Variants in LSAMP observed in about 807,000 individuals in gnomAD.
The protein encoded by LSAMP is limbic system-associated membrane protein.
A neutral mutation model predicts 38.6 loss-of-function variants in LSAMP; 7 were observed. The observed-to-expected ratio is 0.18, with a 90% CI of 0.10 to 0.34. LSAMP has a LOEUF of 0.34. Among genes scored for constraint, LSAMP ranks in the 10% least tolerant of loss-of-function variants. The probability of loss-of-function intolerance (pLI) is 1.00; values close to 1 mark genes in which losing one functional copy is unlikely to be tolerated. For missense variants in LSAMP, 313 were observed against 420.0 expected, an observed-to-expected ratio of 0.75 and a Z score of 2.23; for synonymous variants, 154 against 166.8, an observed-to-expected ratio of 0.92 and a Z score of 0.59.
chr3:116,135,207 C>T (rs1428307952), intron 1 of LSAMP, among the ~76,000 whole-genome samples: 1 of 152,156 alleles, frequency 6.6e-6, no homozygotes, highest in African/African-American at 2.4e-5. Flanking sequence ...AAAGTCAATG[C>T]TCTTAATATT....
intron 3 of LSAMP, among the ~76,000 whole-genome samples, chr3:116,011,625 A>G (rs1222047467): frequency 6.6e-6 from 1 of 152,218 alleles, no homozygotes; most frequent in African/African-American, 2.4e-5. Flanking sequence ...AAAGGGTCCA[A>G]CTGGAAAACT....
chr3:116,117,165 A>T (rs1708771290), intron 1 of LSAMP, among the ~76,000 whole-genome samples: 1 of 152,200 alleles, frequency 6.6e-6, no homozygotes, highest in South Asian at 2.1e-4. Context: ...TGATATGGTA[A>T]GATAAAATGC....
chr3:115,850,977 C>CTA (rs1935312180), intron 4 of LSAMP, among the ~76,000 whole-genome samples: 1 of 148,156 alleles, frequency 6.7e-6, no homozygotes, highest in South Asian at 2.1e-4. Context: ...CTCTCTCTCT[C>CTA]TCTTTTTTAT....
intron 1 of LSAMP, among the ~76,000 whole-genome samples, chr3:116,262,938 T>C (rs1576467349): frequency 6.6e-6 from 1 of 152,334 alleles, no homozygotes; most frequent in East Asian, 1.9e-4. Context: ...AGAAACTGTT[T>C]TCCTGAGTGC....
chr3:116,389,106 T>C (rs2048661836), intron 1 of LSAMP, among the ~76,000 whole-genome samples: 1 of 152,150 alleles, frequency 6.6e-6, no homozygotes, highest in Non-Finnish European at 1.5e-5. Flanking sequence ...AAAAGGTTTT[T>C]AGCAGTCAGA....
intron 1 of LSAMP, among the ~76,000 whole-genome samples, chr3:116,396,643 C>T (rs2048771633): frequency 6.6e-6 from 1 of 152,186 alleles, no homozygotes; most frequent in African/African-American, 2.4e-5. Flanking sequence ...TCTATAGGAT[C>T]TAGCAGTATA....
chr3:116,268,205 T>TA (rs11429966), intron 1 of LSAMP, among the ~76,000 whole-genome samples: 32,951 of 149,378 alleles, frequency 0.22, 3,734 homozygotes, highest in Admixed American at 0.26. Flanking sequence ...GAGTGGCCAT[T>TA]AAAAAAAAAA....
At chr3:116,330,547 CT>C (rs1413231376) in intron 1 of LSAMP, among the ~76,000 whole-genome samples, 1 of 150,794 alleles carries the variant, frequency 6.6e-6, no homozygotes, top group African/African-American at 2.4e-5. Flanking sequence ...GACCAGCATG[CT>C]CCCCCCCCCA....
chr3:115,908,824 C>A lies in LSAMP; in HGVS notation c.515-56207G>T, dbSNP rs375007795. ...TCTTTACAAAAGCCTCTCTTATTTGCAGCTTGCCTGTCGTCATCTCCAACC... is the reference window on the plus strand; with the variant it reads ...TCTTTACAAAAGCCTCTCTTATTTGAAGCTTGCCTGTCGTCATCTCCAACC... On this transcript the variant is annotated intron_variant, in intron 3 of 6. Coordinates refer to ENST00000490035, the MANE Select transcript of LSAMP (RefSeq NM_002338.5). Among the ~76,000 whole-genome samples, 3 of 152,152 alleles carry A rather than the reference C, an allele frequency of 2.0e-5. No homozygotes were observed. The East Asian group carries it at 5.8e-4, about 29-fold the overall frequency.
intron 1 of LSAMP, among the ~76,000 whole-genome samples, chr3:116,296,886 T>TAAAC (rs1265436122): frequency 6.6e-6 from 1 of 152,018 alleles, no homozygotes; most frequent in East Asian, 1.9e-4. Context: ...TGTTATTACA[T>TAAAC]AAACAAGAAG....
At chr3:116,183,908 T>C (rs1029607740) in intron 1 of LSAMP, among the ~76,000 whole-genome samples, 5 of 151,882 alleles carry the variant, frequency 3.3e-5, no homozygotes, top group Non-Finnish European at 7.4e-5. Context: ...AAGTTGTAGA[T>C]ACTGGGTTGA....
chr3:116,426,132 A>T (rs1366701720), intron 1 of LSAMP, among the ~76,000 whole-genome samples: 1 of 152,224 alleles, frequency 6.6e-6, no homozygotes, highest in East Asian at 1.9e-4. Flanking sequence ...TAGACTATAA[A>T]CTCCATCTCA....
chr3:115,904,607 C>T (rs1368977112), intron 3 of LSAMP, among the ~76,000 whole-genome samples: 1 of 151,434 alleles, frequency 6.6e-6, no homozygotes, highest in Non-Finnish European at 1.5e-5. Flanking sequence ...CTTCTCTCAC[C>T]TCTCCCAGAT....
rs959452074 is a variant in LSAMP, at chr3:116,050,084, A to T, written c.389-30444T>A. 2.0e-5 allele frequency among the ~76,000 whole-genome samples: 3 copies of T among 152,180 alleles called. No individual in the cohort carries two copies. In the South Asian group the frequency reaches 6.2e-4, roughly 32 times the overall value. Reference sequence around the variant, plus strand: ...TCCTTGTCTCTGGCTTCCAATTGGGATCAATCAGTGAGGAATATTAATAAA... The same window carrying T: ...TCCTTGTCTCTGGCTTCCAATTGGGTTCAATCAGTGAGGAATATTAATAAA... On this transcript the variant is annotated intron_variant, in intron 2 of 6. Coordinates refer to ENST00000490035, the MANE Select transcript of LSAMP (RefSeq NM_002338.5).
intron 6 of LSAMP, among the ~76,000 whole-genome samples, chr3:115,822,189 A>G (rs768634442): frequency 5.9e-5 from 9 of 152,118 alleles, no homozygotes; most frequent in Non-Finnish European, 1.2e-4. Context: ...TGTTGTATAA[A>G]CCTCAATGTC....
intron 1 of LSAMP, among the ~76,000 whole-genome samples, chr3:116,140,651 C>A (rs1386629147): frequency 6.6e-6 from 1 of 151,846 alleles, no homozygotes; most frequent in African/African-American, 2.4e-5. Context: ...ATGATGGCAG[C>A]AAAATGCAAC....
intron 2 of LSAMP, among the ~76,000 whole-genome samples, chr3:116,052,421 T>C (rs1941413222): frequency 6.6e-6 from 1 of 152,196 alleles, no homozygotes; most frequent in African/African-American, 2.4e-5. Flanking sequence ...TCTTGGGTTG[T>C]AGCTTTCACA....
Position 116,107,876 on chromosome 3 carries a change from G to A in LSAMP, c.156-21320C>T, listed in dbSNP as rs559932019. ...GAGTATATGGGTTTGGCACCATGGG[G>A]TGGATAGGCAAAACAATTTGGTTGA... On this transcript the variant is annotated intron_variant, in intron 1 of 6. Coordinates refer to ENST00000490035, the MANE Select transcript of LSAMP (RefSeq NM_002338.5). 4.6e-5 allele frequency among the ~76,000 whole-genome samples: 7 copies of A among 152,318 alleles called. No individual in the cohort carries two copies. The South Asian group carries it at 1.2e-3, about 27-fold the overall frequency.
chr3:116,147,773 A>C (rs796938881), intron 1 of LSAMP, among the ~76,000 whole-genome samples: 23 of 152,040 alleles, frequency 1.5e-4, no homozygotes, highest in African/African-American at 5.3e-4. Flanking sequence ...CCTGGCCAAC[A>C]GCAATTGACC....
Sources: gnomAD v4.1 joint callset for allele counts (sites outside exome capture counted in the v4.1 genomes callset) on GRCh38, gnomAD v4.1.1 for gene constraint, MANE v1.5 for transcripts, NCBI Gene and HGNC (gene_info 2026-07-23, HGNC 2026-07-21) for gene names.